HM13: variants seen among roughly 807,000 people sequenced by gnomAD.
HM13 encodes signal peptide peptidase.
In HM13, 18 loss-of-function variants were observed where a neutral mutation model predicts 50.0. The ratio of observed to expected loss-of-function variants is 0.36; its 90% confidence interval spans 0.25 to 0.53. The LOEUF is 0.53. Ranked by LOEUF, HM13 falls within the 20% of genes least tolerant of loss-of-function variation. The pLI, the probability that HM13 is intolerant of heterozygous loss-of-function variation, is 0.90. For synonymous variants in HM13, 197 were observed against 232.6 expected (o/e 0.85, Z 1.39); for missense variants, 393 against 552.4 (o/e 0.71, Z 2.89).
intron 1 of HM13, among the ~76,000 whole-genome samples, chr20:31,523,059 T>A (rs1982270971): frequency 6.6e-6 from 1 of 151,280 alleles, no homozygotes; most frequent in Non-Finnish European, 1.5e-5. Context: ...GGGGGCTTTT[T>A]TTTTTTTATG....
At chr20:31,535,030 G>C (rs1389443924) in intron 2 of HM13, among the ~76,000 whole-genome samples, 1 of 151,618 alleles carries the variant, frequency 6.6e-6, no homozygotes, top group African/African-American at 2.4e-5. Context: ...AGTTTTCAGT[G>C]AGCCAAGATC....
At chr20:31,567,170 C>T (rs1432724745) in intron 11 of HM13, among the ~76,000 whole-genome samples, 1 of 152,200 alleles carries the variant, frequency 6.6e-6, no homozygotes, top group Non-Finnish European at 1.5e-5. Flanking sequence ...CCCAGCAAAG[C>T]TCTGTGGTCT....
chr20:31,523,839 C>T (rs909421081), intron 1 of HM13, among the ~76,000 whole-genome samples: 1 of 152,102 alleles, frequency 6.6e-6, no homozygotes, highest in Admixed American at 6.6e-5. Flanking sequence ...GGGTATTGTT[C>T]ACCCACCCCA....
intron 1 of HM13, among the ~76,000 whole-genome samples, chr20:31,520,893 C>T (rs371638173): frequency 7.2e-5 from 11 of 152,238 alleles, no homozygotes; most frequent in African/African-American, 2.4e-4. Flanking sequence ...CAGGGCATGG[C>T]GTAGAAGCAG....
rs561294297 is a variant in HM13, at chr20:31,537,283, TGTG to T, written c.283-891_283-889del. 8.5e-5 allele frequency among the ~76,000 whole-genome samples: 13 copies of T among 152,356 alleles called. No individual in the cohort carries two copies. The South Asian group carries it at 1.4e-3, about 17-fold the overall frequency. On this transcript the variant is annotated intron_variant, in intron 2 of 12. Transcript: ENST00000398174. Reference sequence around the variant, plus strand: ...TGTGTGAGCCAAGGCTCAGGAGACTTGTGGTGGCCACCACGAGGGCAAGAGGCC... The same window carrying T: ...TGTGTGAGCCAAGGCTCAGGAGACTTGTGGCCACCACGAGGGCAAGAGGCC...
intron 2 of HM13, among the ~76,000 whole-genome samples, chr20:31,536,037 C>T (rs1242455326): frequency 6.6e-6 from 1 of 152,172 alleles, no homozygotes; most frequent in Non-Finnish European, 1.5e-5. Context: ...TTGTATCCAG[C>T]CCCTTCACAC....
chr20:31,539,615 G>A (rs1264614396), intron 3 of HM13: 3 of 502,238 alleles, frequency 6.0e-6, no homozygotes, highest in South Asian at 1.7e-4. Context: ...CCAACATGGT[G>A]AAACCCCGTC....
chr20:31,566,814 C>T (rs2122671332), intron 11 of HM13, among the ~76,000 whole-genome samples: 1 of 152,062 alleles, frequency 6.6e-6, no homozygotes, highest in East Asian at 1.9e-4. Flanking sequence ...ACACAGATAC[C>T]CCTTCCCCAG....
intron 8 of HM13, among the ~76,000 whole-genome samples, chr20:31,558,849 G>A (rs1367165249): frequency 6.6e-6 from 1 of 152,072 alleles, no homozygotes. Flanking sequence ...TCAGCCTCCC[G>A]AGTAGCTGGG....
chr20:31,530,701 G>GC (rs1982765106), intron 2 of HM13, among the ~76,000 whole-genome samples: 1 of 152,076 alleles, frequency 6.6e-6, no homozygotes, highest in Non-Finnish European at 1.5e-5. Flanking sequence ...GAGCCATCGT[G>GC]CCCAGCCTCT....
intron 10 of HM13, 116 bp from the exon 11 acceptor site, chr20:31,566,094 G>A: frequency 1.4e-6 from 1 of 693,480 alleles, no homozygotes; most frequent in Non-Finnish European, 2.5e-6. Flanking sequence ...GACTTGCTAT[G>A]GTCCTGGACC....
At chr20:31,535,796 CTTG>C (rs1203675111) in intron 2 of HM13, among the ~76,000 whole-genome samples, 1 of 152,162 alleles carries the variant, frequency 6.6e-6, no homozygotes. Flanking sequence ...CAAGAAGCAT[CTTG>C]TTAAGTGGTA....
At chr20:31,566,664 T>A (rs928299134) in intron 11 of HM13, among the ~76,000 whole-genome samples, 10 of 152,004 alleles carry the variant, frequency 6.6e-5, no homozygotes, top group African/African-American at 2.4e-4. Context: ...AGTTTTCACA[T>A]GTGAGTAATA....
At chr20:31,563,589 G>T (rs1004505266) in intron 10 of HM13, among the ~76,000 whole-genome samples, 8 of 152,150 alleles carry the variant, frequency 5.3e-5, no homozygotes, top group African/African-American at 1.9e-4. Context: ...CTCCCAAAGT[G>T]CTGGGATTAC....
At chr20:31,528,220 T>C (rs180768138) in intron 2 of HM13, among the ~76,000 whole-genome samples, 129 of 152,360 alleles carry the variant, frequency 8.5e-4, no homozygotes, top group African/African-American at 2.9e-3. Flanking sequence ...TATAAAAATA[T>C]ATTCAGAAAA....
intron 8 of HM13, among the ~76,000 whole-genome samples, chr20:31,555,206 C>T (rs1011162794): frequency 1.3e-5 from 2 of 152,230 alleles, no homozygotes; most frequent in Non-Finnish European, 2.9e-5. Context: ...CACACATACA[C>T]ATACCCCTTC....
intron 2 of HM13, among the ~76,000 whole-genome samples, chr20:31,531,866 C>T (rs1982840437): frequency 6.6e-6 from 1 of 152,164 alleles, no homozygotes; most frequent in Non-Finnish European, 1.5e-5. Context: ...GAGATTGAGG[C>T]TGAAGGATGA....
chr20:31,554,876 T>A, intron 8 of HM13, 47 bp downstream of exon 8: 1 of 1,439,500 alleles, frequency 6.9e-7, no homozygotes, highest in Non-Finnish European at 9.8e-7. Context: ...GGAGAGGGTA[T>A]TCCCCGGAGC....
intron 7 of HM13, among the ~76,000 whole-genome samples, chr20:31,551,075 T>C (rs768524293): frequency 2.0e-5 from 3 of 152,220 alleles, no homozygotes; most frequent in Non-Finnish European, 4.4e-5. Context: ...TAAACTTAGG[T>C]TTTATCCCCA....
Sources: gnomAD v4.1 joint callset for allele counts (sites outside exome capture counted in the v4.1 genomes callset) on GRCh38, gnomAD v4.1.1 for gene constraint, MANE v1.5 for transcripts, NCBI Gene and HGNC (gene_info 2026-07-23, HGNC 2026-07-21) for gene names.